Variants in ROBO1 observed in about 807,000 individuals in gnomAD.
ROBO1 encodes the protein roundabout homolog 1.
In ROBO1, 149 loss-of-function variants were observed where a neutral mutation model predicts 195.9. That is an observed-to-expected ratio of 0.76 (90% confidence interval 0.67 to 0.87). The LOEUF is 0.87. Ranked by LOEUF, ROBO1 falls within the 40% of genes least tolerant of loss-of-function variation. The probability of loss-of-function intolerance (pLI) is 0.00; values close to 1 mark genes in which losing one functional copy is unlikely to be tolerated. For missense variants in ROBO1, 1,933 were observed against 2,068.3 expected (o/e 0.93, Z 1.27); for synonymous variants, 816 against 733.2 (o/e 1.11, Z -1.82).
At chr3:79,223,794 C>T (rs1360901409) in intron 2 of ROBO1, among the ~76,000 whole-genome samples, 2 of 152,152 alleles carry the variant, frequency 1.3e-5, no homozygotes, top group Non-Finnish European at 2.9e-5. Context: ...TTTGACATCG[C>T]TGTACTCTCC....
chr3:79,398,397 G>A (rs987672437), intron 2 of ROBO1, among the ~76,000 whole-genome samples: 2 of 152,144 alleles, frequency 1.3e-5, no homozygotes, highest in Non-Finnish European at 2.9e-5. Flanking sequence ...GGACTTCCAC[G>A]TGAAATCACT....
chr3:78,891,302 T>C (rs1576354409), intron 4 of ROBO1, among the ~76,000 whole-genome samples: 1 of 151,872 alleles, frequency 6.6e-6, no homozygotes, highest in Admixed American at 6.6e-5. Flanking sequence ...AGAAGGAAAA[T>C]CTTGGACAGA....
chr3:79,364,064 C>T (rs1451681465), intron 2 of ROBO1, among the ~76,000 whole-genome samples: 2 of 151,724 alleles, frequency 1.3e-5, no homozygotes, highest in African/African-American at 4.8e-5. Flanking sequence ...ATTGGCCAGG[C>T]GTGGTGGCAC....
chr3:78,777,542 A>T (rs767183334), intron 4 of ROBO1, among the ~76,000 whole-genome samples: 5 of 152,200 alleles, frequency 3.3e-5, no homozygotes, highest in Non-Finnish European at 5.9e-5. Flanking sequence ...TGTAGTTGAA[A>T]GTCATGGGAA....
chr3:79,204,381 T>G (rs1300183234), intron 2 of ROBO1, among the ~76,000 whole-genome samples: 2 of 152,072 alleles, frequency 1.3e-5, no homozygotes, highest in African/African-American at 2.4e-5. Flanking sequence ...GTATCTAGTG[T>G]GTTGCCTCTA....
At chr3:78,740,159 C>T (rs891732692) in intron 5 of ROBO1, among the ~76,000 whole-genome samples, 3 of 152,034 alleles carry the variant, frequency 2.0e-5, no homozygotes, top group African/African-American at 7.2e-5. Context: ...CTATTATCAT[C>T]ATCATCATCA....
intron 2 of ROBO1, among the ~76,000 whole-genome samples, chr3:79,353,067 CT>C (rs2035407427): frequency 6.6e-6 from 1 of 152,138 alleles, no homozygotes; most frequent in Admixed American, 6.5e-5. Context: ...CAACTTATTA[CT>C]GACAAACTAT....
At chr3:79,244,005 C>T (rs976083730) in intron 2 of ROBO1, among the ~76,000 whole-genome samples, 2 of 152,014 alleles carry the variant, frequency 1.3e-5, no homozygotes, top group Non-Finnish European at 2.9e-5. Context: ...ATTAATTTTT[C>T]TATAAGGTGT....
At chr3:78,985,273 C>A (rs1186720782) in intron 3 of ROBO1, among the ~76,000 whole-genome samples, 2 of 151,998 alleles carry the variant, frequency 1.3e-5, no homozygotes, top group Non-Finnish European at 2.9e-5. Flanking sequence ...GCACTCTAGC[C>A]TGGGAGACAG....
intron 4 of ROBO1, among the ~76,000 whole-genome samples, chr3:78,875,349 G>A (rs1231895766): frequency 6.6e-6 from 1 of 151,962 alleles, no homozygotes; most frequent in Non-Finnish European, 1.5e-5. Context: ...CATGGAGAAA[G>A]ACTGAGAGAG....
chr3:79,763,725 TA>T (rs1303710267), intron 1 of ROBO1, among the ~76,000 whole-genome samples: 2 of 152,072 alleles, frequency 1.3e-5, no homozygotes, highest in Non-Finnish European at 2.9e-5. Context: ...GGGTGGCAGA[TA>T]GGGGTGGGGT....
At chr3:79,209,416 AT>A (rs1351056806) in intron 2 of ROBO1, among the ~76,000 whole-genome samples, 1 of 152,070 alleles carries the variant, frequency 6.6e-6, no homozygotes, top group Admixed American at 6.6e-5. Context: ...TTGGTTCCAT[AT>A]TTTTGCAATT....
At chr3:79,112,616 A>T (rs1385964509) in intron 3 of ROBO1, among the ~76,000 whole-genome samples, 1 of 152,176 alleles carries the variant, frequency 6.6e-6, no homozygotes, top group East Asian at 1.9e-4. Context: ...AGAGACGTGG[A>T]TGAAGCTGGA....
At chr3:78,651,363 G>A (rs1706649086) in intron 19 of ROBO1, among the ~76,000 whole-genome samples, 2 of 152,084 alleles carry the variant, frequency 1.3e-5, no homozygotes, top group South Asian at 2.1e-4. Flanking sequence ...AACCATGTGA[G>A]ACTGTTCAAA....
chr3:79,018,536 G>T, intron 3 of ROBO1: 1 of 1,596,026 alleles, frequency 6.3e-7, no homozygotes, highest in East Asian at 2.3e-5. Context: ...AATGTATGAA[G>T]CCACACACCA....
At chr3:79,072,079 A>G (rs1295862035) in intron 3 of ROBO1, among the ~76,000 whole-genome samples, 1 of 151,880 alleles carries the variant, frequency 6.6e-6, no homozygotes, top group African/African-American at 2.4e-5. Context: ...TTGTAAATAA[A>G]TTAAATCTTT....
chr3:78,884,899 T>C (rs1263916828), intron 4 of ROBO1, among the ~76,000 whole-genome samples: 1 of 151,948 alleles, frequency 6.6e-6, no homozygotes, highest in Non-Finnish European at 1.5e-5. Context: ...TGTGTATTTC[T>C]CTTCTGTATG....
At chr3:79,647,346 C>T (rs78619763) in intron 1 of ROBO1, among the ~76,000 whole-genome samples, 2,623 of 152,068 alleles carry the variant, frequency 0.017, 33 homozygotes, top group Non-Finnish European at 0.026. Context: ...AGTAGGCTTC[C>T]TATTAAATAT....
At chr3:79,193,494 TC>T (rs1322410489) in intron 2 of ROBO1, among the ~76,000 whole-genome samples, 1 of 150,824 alleles carries the variant, frequency 6.6e-6, no homozygotes, top group Admixed American at 6.6e-5. Context: ...GGATTCAGAG[TC>T]CATGCTCCCC....
Sources: allele counts gnomAD v4.1 joint callset (sites outside exome capture counted in the v4.1 genomes callset), GRCh38; gene constraint gnomAD v4.1.1; transcripts MANE v1.5; gene names NCBI Gene and HGNC (gene_info 2026-07-23, HGNC 2026-07-21).